The following ARMH3 variants were observed in gnomAD, a reference collection of about 807,000 sequenced individuals.
ARMH3 encodes the protein armadillo like helical domain containing 3, also known as armadillo-like helical domain-containing protein 3.
A neutral mutation model predicts 99.1 loss-of-function variants in ARMH3; 60 were observed. The observed-to-expected ratio is 0.61, with a 90% CI of 0.49 to 0.75. The LOEUF (loss-of-function observed/expected upper bound fraction) is 0.75, where lower values mean the gene tolerates loss of function less well. ARMH3 is among the 30% of genes least tolerant of loss of function. ARMH3 has a pLI of 0.00. For synonymous variants in ARMH3, 285 were observed against 292.8 expected (o/e 0.97, Z 0.27); for missense variants, 679 against 843.1 (o/e 0.81, Z 2.41).
intron 24 of ARMH3, among the ~76,000 whole-genome samples, chr10:101,862,126 A>G: frequency 6.6e-6 from 1 of 151,980 alleles, no homozygotes; most frequent in East Asian, 1.9e-4. Context: ...AAATAATAAT[A>G]AAGAGCACTA....
chr10:102,013,922 T>C (rs776997284), intron 9 of ARMH3, 46 bp downstream of exon 9: 2 of 1,468,624 alleles, frequency 1.4e-6, no homozygotes, highest in Admixed American at 1.9e-5. Context: ...AGTAATACCA[T>C]TGAATGCAAA....
At chr10:102,022,313 C>CA (rs1264892812) in intron 8 of ARMH3, among the ~76,000 whole-genome samples, 46 of 147,232 alleles carry the variant, frequency 3.1e-4, no homozygotes, top group Non-Finnish European at 5.4e-4. Context: ...AGGGGAACTT[C>CA]AAAAAAAAAC....
chr10:101,995,563 T>C (rs1847018804), intron 15 of ARMH3, among the ~76,000 whole-genome samples: 1 of 152,200 alleles, frequency 6.6e-6, no homozygotes, highest in South Asian at 2.1e-4. Context: ...TTTTTTAATA[T>C]CCTGGTAGTC....
At chr10:101,944,172 G>A (rs11191157) in intron 22 of ARMH3, among the ~76,000 whole-genome samples, 30,792 of 143,206 alleles carry the variant, frequency 0.22, 3,849 homozygotes, top group Non-Finnish European at 0.29. Flanking sequence ...AGAAACCCAC[G>A]GCTAAGCACA....
At position 102,021,782 on chromosome 10, in the gene ARMH3, G is replaced by A. The variant is rs373138233; in HGVS notation, c.669+1695C>T. Among the ~76,000 whole-genome samples the A allele has an allele frequency of 7.2e-5, 11 of 151,986 alleles. No individual in the cohort carries two copies. In the East Asian group the frequency reaches 7.7e-4, roughly 11 times the overall value. ...AGGATGGTCTCGATCTCCCAACCTC[G>A]TGATCCACCCGCCTCAGCCTCCCAA... On this transcript the variant is annotated intron_variant, in intron 8 of 25. Coordinates refer to ENST00000370033, the MANE Select transcript of ARMH3 (RefSeq NM_024541.3).
At chr10:102,018,206 T>C (rs1233457186) in intron 8 of ARMH3, among the ~76,000 whole-genome samples, 2 of 152,170 alleles carry the variant, frequency 1.3e-5, no homozygotes, top group Non-Finnish European at 2.9e-5. Flanking sequence ...GTGGTCCCCT[T>C]CCTTTTCTGT....
At chr10:101,877,222 G>A (rs1218546397) in intron 24 of ARMH3, among the ~76,000 whole-genome samples, 1 of 152,152 alleles carries the variant, frequency 6.6e-6, no homozygotes, top group Non-Finnish European at 1.5e-5. Flanking sequence ...AGGACTGCTT[G>A]AGTCCGGGAG....
At chr10:101,929,546 TTG>T (rs953965532) in intron 23 of ARMH3, among the ~76,000 whole-genome samples, 1 of 151,950 alleles carries the variant, frequency 6.6e-6, no homozygotes, top group African/African-American at 2.4e-5. Context: ...GAAGTGGGTG[TTG>T]TGTGTGTATG....
intron 24 of ARMH3, among the ~76,000 whole-genome samples, chr10:101,879,089 G>A (rs139496383): frequency 1.9e-4 from 29 of 152,094 alleles, no homozygotes; most frequent in Admixed American, 7.2e-4. Flanking sequence ...CCCATCCCCC[G>A]GGAATAAGCC....
At chr10:101,897,141 G>T (rs2067857466) in intron 23 of ARMH3, among the ~76,000 whole-genome samples, 1 of 152,160 alleles carries the variant, frequency 6.6e-6, no homozygotes, top group Non-Finnish European at 1.5e-5. Context: ...AGGATTTAAA[G>T]AAATATGGGT....
intron 24 of ARMH3, among the ~76,000 whole-genome samples, chr10:101,880,429 C>A (rs186656386): frequency 6.6e-6 from 1 of 152,316 alleles, no homozygotes; most frequent in Admixed American, 6.5e-5. Context: ...TCACCTCCTG[C>A]TCAGAAAACC....
chr10:101,961,648 C>T (rs187195532), intron 20 of ARMH3, among the ~76,000 whole-genome samples: 1 of 152,264 alleles, frequency 6.6e-6, no homozygotes, highest in African/African-American at 2.4e-5. Flanking sequence ...AGTGCCAACA[C>T]AGAGCTCATG....
intron 2 of ARMH3, among the ~76,000 whole-genome samples, chr10:102,037,665 T>C (rs1242481192): frequency 2.0e-5 from 3 of 152,138 alleles, no homozygotes; most frequent in Admixed American, 6.6e-5. Context: ...CTTGAACTCC[T>C]AGGCTCAAGG....
At chr10:102,040,912 T>C (rs1279211069) in intron 1 of ARMH3, among the ~76,000 whole-genome samples, 2 of 151,916 alleles carry the variant, frequency 1.3e-5, no homozygotes, top group African/African-American at 4.8e-5. Context: ...CACTGCAAAG[T>C]ACTTGGCCTT....
intron 24 of ARMH3, among the ~76,000 whole-genome samples, chr10:101,882,007 C>T (rs1476436553): frequency 1.3e-5 from 2 of 152,174 alleles, no homozygotes; most frequent in Non-Finnish European, 2.9e-5. Flanking sequence ...CTAACAATAA[C>T]AAGTTGCCTT....
At chr10:101,851,241 C>T (rs2066593515) in intron 24 of ARMH3, among the ~76,000 whole-genome samples, 1 of 152,168 alleles carries the variant, frequency 6.6e-6, no homozygotes, top group Non-Finnish European at 1.5e-5. Context: ...AAAGAAGGGA[C>T]TGTTCATAGC....
chr10:102,005,313 G>T (rs2066457806), intron 14 of ARMH3, among the ~76,000 whole-genome samples: 1 of 148,220 alleles, frequency 6.7e-6, no homozygotes, highest in Non-Finnish European at 1.5e-5. Context: ...AATCTGGGAG[G>T]CAGAGGTTGC....
intron 24 of ARMH3, among the ~76,000 whole-genome samples, chr10:101,886,057 C>CA (rs539423343): frequency 0.07 from 8,614 of 123,008 alleles, 254 homozygotes; most frequent in African/African-American, 0.081. Context: ...GACTCCATCT[C>CA]AAAAAAAAAA....
intron 21 of ARMH3, 141 bp downstream of exon 21, chr10:101,957,509 C>T (rs949857048): frequency 4.7e-6 from 4 of 842,764 alleles, no homozygotes; most frequent in Admixed American, 6.5e-5. Context: ...GACCACCAGT[C>T]CAGATTCGGA....
Sources: allele counts gnomAD v4.1 joint callset (sites outside exome capture counted in the v4.1 genomes callset), GRCh38; gene constraint gnomAD v4.1.1; transcripts MANE v1.5; gene names NCBI Gene and HGNC (gene_info 2026-07-23, HGNC 2026-07-21).